Variants in BCAR3 observed in about 807,000 individuals in gnomAD.
BCAR3 encodes breast cancer anti-estrogen resistance protein 3.
A neutral mutation model predicts 80.1 loss-of-function variants in BCAR3; 37 were observed. That is an observed-to-expected ratio of 0.46 (90% confidence interval 0.36 to 0.61). The LOEUF is 0.61. Among genes scored for constraint, BCAR3 ranks in the 20% least tolerant of loss-of-function variants. The probability of loss-of-function intolerance (pLI) is 0.00; values close to 1 mark genes in which losing one functional copy is unlikely to be tolerated. For missense variants in BCAR3, 978 were observed against 1,068.2 expected, an observed-to-expected ratio of 0.92 and a Z score of 1.18; for synonymous variants, 389 against 418.9, an observed-to-expected ratio of 0.93 and a Z score of 0.87.
intron 2 of BCAR3, among the ~76,000 whole-genome samples, chr1:93,834,582 T>G (rs1654697091): frequency 6.6e-6 from 1 of 152,260 alleles, no homozygotes; most frequent in Non-Finnish European, 1.5e-5. Flanking sequence ...GTAGCCTTTC[T>G]GTCCAAACAA....
chr1:93,708,583 T>C (rs1327184060), intron 2 of BCAR3, among the ~76,000 whole-genome samples: 2 of 152,206 alleles, frequency 1.3e-5, no homozygotes, highest in Non-Finnish European at 2.9e-5. Flanking sequence ...AAAATAAACA[T>C]ATTAGTAGCA....
chr1:93,774,661 G>A (rs1652482923), intron 2 of BCAR3, among the ~76,000 whole-genome samples: 1 of 152,156 alleles, frequency 6.6e-6, no homozygotes, highest in African/African-American at 2.4e-5. Context: ...ACGACCTGAA[G>A]TTATCTATCC....
intron 2 of BCAR3, among the ~76,000 whole-genome samples, chr1:93,760,052 G>A (rs1651881343): frequency 6.6e-6 from 1 of 152,120 alleles, no homozygotes; most frequent in South Asian, 2.1e-4. Context: ...ACGTAAACTA[G>A]GTGTGAAAGC....
intron 3 of BCAR3, chr1:93,614,089 G>A: frequency 2.1e-6 from 3 of 1,422,716 alleles, no homozygotes; most frequent in Non-Finnish European, 2.7e-6. Context: ...CCTTCTCCCA[G>A]GCTAGTCTGG....
upstream of BCAR3, among the ~76,000 whole-genome samples, chr1:93,684,617 G>T (rs1382052531): frequency 2.0e-5 from 3 of 152,246 alleles, no homozygotes; most frequent in African/African-American, 7.2e-5. Flanking sequence ...ACTCAGGAAG[G>T]TTAAGTAACT....
At chr1:93,673,264 TC>T (rs1648307081) in intron 2 of BCAR3, among the ~76,000 whole-genome samples, 2 of 152,206 alleles carry the variant, frequency 1.3e-5, no homozygotes, top group Non-Finnish European at 2.9e-5. Flanking sequence ...AGATATTGCT[TC>T]AGATGCTCCA....
At chr1:93,647,912 G>A (rs1298095158) in intron 2 of BCAR3, among the ~76,000 whole-genome samples, 1 of 151,800 alleles carries the variant, frequency 6.6e-6, no homozygotes, top group African/African-American at 2.4e-5. Context: ...AGCTGGGATC[G>A]CAGGCATGCA....
intron 2 of BCAR3, among the ~76,000 whole-genome samples, chr1:93,668,474 G>A (rs552845488): frequency 1.2e-4 from 18 of 152,246 alleles, no homozygotes; most frequent in African/African-American, 3.9e-4. Context: ...ACCAGGGACC[G>A]GGACATTCAC....
At chr1:93,845,484 A>ATC (rs1655125768) in intron 2 of BCAR3, 3 of 3,318 alleles carry the variant, frequency 9.0e-4, no homozygotes, top group Non-Finnish European at 1.3e-3. Flanking sequence ...ATATATATAT[A>ATC]TATATATATA....
At chr1:93,655,498 AGAATTCTTTCCAAG>A (rs1647332174) in intron 2 of BCAR3, among the ~76,000 whole-genome samples, 1 of 152,220 alleles carries the variant, frequency 6.6e-6, no homozygotes, top group South Asian at 2.1e-4. Flanking sequence ...GGACACCCAC[AGAATTCTTTCCAAG>A]GAAACTAAGT....
At position 93,592,390 on chromosome 1, in the gene BCAR3, A is replaced by G; in HGVS notation, c.361T>C (p.Ser121Pro). Residue 121 changes from serine (S) to proline (P), a missense_variant, in exon 4 of 12, where the codon TCC (serine) becomes CCC (proline). By Grantham distance (74) the Ser-to-Pro change is moderately conservative (BLOSUM62 -1). Transcript: ENST00000260502. This position sits in a 1 kb window ranked among gnomAD's most constrained non-coding sequence, Gnocchi z 4.8. ...LDPTVEYVKF[S>P]KERHIMDRTP... ...CTGTCCATGATGTGCCTCTCCTTGG[A>G]GAACTGCAACACAGAGTCAACCATG... The G allele has an allele frequency of 6.3e-7, 1 of 1,597,120 alleles. No individual in the cohort carries two copies. The highest frequency in any genetic ancestry group is 8.5e-7 in the Non-Finnish European group (1 of 1,176,696).
intron 2 of BCAR3, among the ~76,000 whole-genome samples, chr1:93,648,238 G>A (rs1330042442): frequency 6.6e-6 from 1 of 152,208 alleles, no homozygotes; most frequent in Admixed American, 6.5e-5. Flanking sequence ...CCCTTGAAAT[G>A]TCTGCAATAA....
intron 2 of BCAR3, among the ~76,000 whole-genome samples, chr1:93,840,692 G>A (rs1051907678): frequency 2.6e-5 from 4 of 152,144 alleles, no homozygotes; most frequent in Non-Finnish European, 5.9e-5. Flanking sequence ...TTCCACAAAC[G>A]CATTCAGGCA....
In BCAR3 at chr1:93,582,588, C is replaced by T. The variant is rs1309473454; in HGVS notation, c.1399G>A (p.Gly467Ser). 6.2e-7 allele frequency: 1 copy of T among 1,613,500 alleles called. No individual in the cohort carries two copies. The highest frequency in any genetic ancestry group is 1.1e-5 in the South Asian group (1 of 91,038). ...TAGTTGACGCCAGAGTTCCGGGGAC[C>T]TGGCGCCTCATTCTGCTTGGCTGTG... ...LLTAKQNEAP[G>S]PRNSGVNYLI... Residue 467 changes from glycine to serine, a missense_variant, in exon 7 of 12, where the codon GGT (glycine) becomes AGT (serine). Gly to Ser is a moderately conservative substitution (Grantham distance 56, BLOSUM62 0). Transcript: ENST00000260502.
chr1:93,728,270 C>T (rs61781046), intron 2 of BCAR3, among the ~76,000 whole-genome samples: 10,073 of 152,318 alleles, frequency 0.066, 450 homozygotes, highest in South Asian at 0.091. Flanking sequence ...CCTTAGTACC[C>T]CGCTGCTCAA....
intron 2 of BCAR3, among the ~76,000 whole-genome samples, chr1:93,772,699 G>A (rs928671660): frequency 5.3e-5 from 8 of 152,218 alleles, no homozygotes; most frequent in Admixed American, 2.6e-4. Context: ...GCACCTGCCG[G>A]GTTTAAGCAA....
chr1:93,680,770 C>T (rs1648718249), intron 1 of BCAR3, among the ~76,000 whole-genome samples: 1 of 152,202 alleles, frequency 6.6e-6, no homozygotes, highest in East Asian at 1.9e-4. Context: ...ATGACCCGAC[C>T]CGCCGCCCCA....
At chr1:93,779,280 G>GTCAT (rs1005183073) in intron 2 of BCAR3, among the ~76,000 whole-genome samples, 2 of 152,150 alleles carry the variant, frequency 1.3e-5, no homozygotes, top group African/African-American at 4.8e-5. Flanking sequence ...CCAGGGCCAA[G>GTCAT]TCATTCATTC....
chr1:93,745,847 C>T (rs1441663517), intron 2 of BCAR3, among the ~76,000 whole-genome samples: 3 of 152,170 alleles, frequency 2.0e-5, no homozygotes, highest in African/African-American at 7.2e-5. Context: ...CAACACCAGC[C>T]TGGTCAACAT....
Sources: allele counts gnomAD v4.1 joint callset (sites outside exome capture counted in the v4.1 genomes callset), GRCh38; gene constraint gnomAD v4.1.1; non-coding constraint Gnocchi (gnomAD v3.1); transcripts MANE v1.5; gene names NCBI Gene and HGNC (gene_info 2026-07-23, HGNC 2026-07-21).